Variants in WASHC3 observed in about 807,000 individuals in gnomAD.
The protein encoded by WASHC3 is WASH complex subunit 3.
WASHC3 carries 24 observed loss-of-function variants against 26.1 expected under a neutral mutation model. The ratio of observed to expected loss-of-function variants is 0.92; its 90% CI spans 0.66 to 1.29. The LOEUF (loss-of-function observed/expected upper bound fraction) is 1.29, where lower values mean the gene tolerates loss of function less well. Ranked by LOEUF, WASHC3 falls within the 50% of genes most tolerant of loss-of-function variation. The pLI is 0.00. For synonymous variants in WASHC3, 77 were observed against 75.7 expected (o/e 1.02, Z -0.09); for missense variants, 214 against 229.6 (o/e 0.93, Z 0.44).
intron 1 of WASHC3, 146 bp from the exon 2 acceptor site, chr12:102,061,492 A>G (rs149147680): frequency 1.5e-6 from 1 of 650,074 alleles, no homozygotes; most frequent in East Asian, 2.7e-5. Flanking sequence ...TTGTTTCCTA[A>G]GCTGTGGGTG....
intron 2 of WASHC3, among the ~76,000 whole-genome samples, chr12:102,060,895 C>T (rs999404886): frequency 7.4e-6 from 1 of 135,292 alleles, no homozygotes; most frequent in Admixed American, 8.7e-5. Context: ...GTGGAGGTTG[C>T]AGTGAGCCGA....
intron 2 of WASHC3, among the ~76,000 whole-genome samples, chr12:102,051,983 C>T (rs886446184): frequency 6.6e-6 from 1 of 152,246 alleles, no homozygotes; most frequent in South Asian, 2.1e-4. Context: ...TTACAGTCAA[C>T]CCTAGATTAT....
chr12:102,033,449 TACTG>T (rs374158156), intron 5 of WASHC3, among the ~76,000 whole-genome samples: 5 of 152,154 alleles, frequency 3.3e-5, no homozygotes, highest in African/African-American at 1.2e-4. Flanking sequence ...ATCAAGATGA[TACTG>T]AGTGAAAGTA....
At position 102,051,171 on chromosome 12, in the gene WASHC3, T is replaced by C. The variant is rs1201790939; in HGVS notation, c.151-5052A>G. Among the ~76,000 whole-genome samples, 6 of 152,342 alleles carry C rather than the reference T, an allele frequency of 3.9e-5. No individual in the cohort carries two copies. In the East Asian group the frequency reaches 1.2e-3, roughly 29 times the overall value. On this transcript the variant is annotated intron_variant, in intron 2 of 6. Transcript: ENST00000240079. ...TCTGGCTTGAGGGTTTATCTGTGACTGAAGTTGTTTAAGGTTGGGTTTGGT... is the reference window on the plus strand; with the variant it reads ...TCTGGCTTGAGGGTTTATCTGTGACCGAAGTTGTTTAAGGTTGGGTTTGGT...
intron 2 of WASHC3, among the ~76,000 whole-genome samples, chr12:102,051,214 G>A (rs1878380666): frequency 6.6e-6 from 1 of 152,174 alleles, no homozygotes; most frequent in South Asian, 2.1e-4. Context: ...AGATCCTGTC[G>A]GGGGGTGGGA....
chr12:102,017,534 T>C (rs776133706), intron 6 of WASHC3, among the ~76,000 whole-genome samples: 2 of 152,120 alleles, frequency 1.3e-5, no homozygotes, highest in Non-Finnish European at 2.9e-5. Context: ...AAGAATAAAA[T>C]GGGATGGTGT....
At chr12:102,049,009 T>C (rs1038199973) in intron 2 of WASHC3, among the ~76,000 whole-genome samples, 1 of 152,244 alleles carries the variant, frequency 6.6e-6, no homozygotes, top group African/African-American at 2.4e-5. Context: ...AAGGTATACC[T>C]GGGTTCATTT....
intron 5 of WASHC3, among the ~76,000 whole-genome samples, chr12:102,036,098 G>A (rs749011560): frequency 6.6e-6 from 1 of 152,052 alleles, no homozygotes; most frequent in Non-Finnish European, 1.5e-5. Context: ...GGTGGCTCAC[G>A]CCTGTAATCC....
chr12:102,028,827 G>T (rs985904114), intron 5 of WASHC3, among the ~76,000 whole-genome samples: 1 of 150,770 alleles, frequency 6.6e-6, no homozygotes, highest in Non-Finnish European at 1.5e-5. Context: ...AGAATTATAA[G>T]AATAATAAGA....
intron 5 of WASHC3, among the ~76,000 whole-genome samples, chr12:102,026,901 A>G (rs1877217003): frequency 1.3e-5 from 2 of 152,156 alleles, no homozygotes; most frequent in African/African-American, 4.8e-5. Context: ...GGGTCATGGC[A>G]TGGGACCCTC....
intron 2 of WASHC3, among the ~76,000 whole-genome samples, chr12:102,051,266 C>T (rs1261030162): frequency 6.6e-6 from 1 of 152,144 alleles, no homozygotes; most frequent in Non-Finnish European, 1.5e-5. Context: ...AGTTCAAAAA[C>T]TAACAGTTGA....
At chr12:102,050,542 C>A in intron 2 of WASHC3, 1 of 451,246 alleles carries the variant, frequency 2.2e-6, no homozygotes, top group South Asian at 1.6e-5. Flanking sequence ...TCTAGGGAGG[C>A]TGAGGTGGGA....
intron 2 of WASHC3, among the ~76,000 whole-genome samples, chr12:102,061,024 T>A (rs1037939076): frequency 6.6e-6 from 1 of 150,668 alleles, no homozygotes; most frequent in African/African-American, 2.4e-5. Context: ...TAAGCCTGAC[T>A]GACCTATCTC....
intron 5 of WASHC3, among the ~76,000 whole-genome samples, chr12:102,036,754 T>C (rs1877680722): frequency 6.6e-6 from 1 of 152,098 alleles, no homozygotes; most frequent in Non-Finnish European, 1.5e-5. Flanking sequence ...AGGAAATAGA[T>C]ATACCCTCAC....
At chr12:102,046,174 A>G (rs1565819001) in intron 2 of WASHC3, 55 bp from the exon 3 acceptor site, 1 of 931,832 alleles carries the variant, frequency 1.1e-6, no homozygotes, top group Non-Finnish European at 1.7e-6. Flanking sequence ...ACTGTTAACA[A>G]TAACTAAGGG....
At chr12:102,029,148 T>C (rs1877326656) in intron 5 of WASHC3, among the ~76,000 whole-genome samples, 1 of 152,244 alleles carries the variant, frequency 6.6e-6, no homozygotes, top group Admixed American at 6.5e-5. Flanking sequence ...AGAAAATTCG[T>C]TGTTTTGCTA....
intron 2 of WASHC3, chr12:102,050,584 C>T: frequency 4.4e-6 from 2 of 453,828 alleles, no homozygotes; most frequent in South Asian, 3.1e-5. Context: ...TTGAGGTTGC[C>T]CTGAGCTGTG....
chr12:102,060,926 G>C (rs984879871), intron 2 of WASHC3, among the ~76,000 whole-genome samples: 1 of 134,264 alleles, frequency 7.4e-6, no homozygotes, highest in African/African-American at 3.0e-5. Context: ...CTGCACTGTA[G>C]CTTGGGTGAC....
intron 2 of WASHC3, among the ~76,000 whole-genome samples, chr12:102,054,811 C>G (rs1227876195): frequency 3.3e-5 from 5 of 151,626 alleles, no homozygotes; most frequent in Non-Finnish European, 5.9e-5. Context: ...TCCTAAACAA[C>G]CAATAGGTCA....
Sources: gnomAD v4.1 joint callset for allele counts (sites outside exome capture counted in the v4.1 genomes callset) on GRCh38, gnomAD v4.1.1 for gene constraint, MANE v1.5 for transcripts, NCBI Gene and HGNC (gene_info 2026-07-23, HGNC 2026-07-21) for gene names.